The following FBXO17 variants were observed in gnomAD, a reference collection of about 807,000 sequenced individuals.
The protein encoded by FBXO17 is F-box protein 17.
Under a neutral mutation model 34.1 loss-of-function variants are expected in FBXO17, and 43 were observed. The ratio of observed to expected loss-of-function variants is 1.26; its 90% CI spans 0.99 to 1.62. FBXO17 has a LOEUF of 1.62. Among genes scored for constraint, FBXO17 ranks in the 40% most tolerant of loss-of-function variants. The pLI is 0.00. For missense variants in FBXO17, 424 were observed against 386.7 expected (o/e 1.10, Z -0.81); for synonymous variants, 169 against 166.0 (o/e 1.02, Z -0.14).
At position 38,944,963 on chromosome 19, in the gene FBXO17, A is replaced by ACCCACCTG; in HGVS notation, c.691_693+5dup. On this transcript the variant is annotated splice_donor_region_variant and intron_variant, in intron 5 of 5. Coordinates refer to ENST00000292852, the MANE Select transcript of FBXO17 (RefSeq NM_024907.7). ...CGGGGGGAGCTGGAAGCTAGTCTGG[A>ACCCACCTG]CCCACCTGTCGGCAGCCCCTCTCAG... 5 of 1,613,992 alleles carry ACCCACCTG rather than the reference A, an allele frequency of 3.1e-6. No individual in the cohort carries two copies. The highest frequency in any genetic ancestry group is 3.4e-6 in the Non-Finnish European group (4 of 1,179,960).
In FBXO17 at chr19:38,943,435, G is replaced by A. The variant is rs148937625; in HGVS notation, c.694-684C>T. Among the ~76,000 whole-genome samples the A allele has an allele frequency of 8.2e-4, 124 of 151,344 alleles. 1 individual carries two copies. In the East Asian group the frequency reaches 0.014, roughly 17 times the overall value. On this transcript the variant is annotated intron_variant, in intron 5 of 5. Coordinates refer to ENST00000292852, the MANE Select transcript of FBXO17 (RefSeq NM_024907.7). ...ATTACAGGCGCGCACCACCATGCCC[G>A]GCTAATTTTTGTATTTTTAGTAGAG...
intron 1 of FBXO17, among the ~76,000 whole-genome samples, chr19:38,969,647 A>C (rs904579998): frequency 2.3e-5 from 3 of 127,860 alleles, no homozygotes; most frequent in Non-Finnish European, 4.7e-5. Flanking sequence ...CCCAGGCTGG[A>C]GTGCAGTGGC....
Position 38,965,968 on chromosome 19 carries a change from T to A in FBXO17, c.-18+9618A>T, listed in dbSNP as rs552713760. ...CAACATTCTTTTTATTTATTTATTT[T>A]TATTTATTTATTTATTTTTTGAGAT... On this transcript the variant is annotated intron_variant, in intron 1 of 5. Coordinates refer to ENST00000292852, the MANE Select transcript of FBXO17 (RefSeq NM_024907.7). Among the ~76,000 whole-genome samples the A allele has an allele frequency of 5.3e-3, 797 of 151,424 alleles. 6 individuals are homozygous for A. Among genetic ancestry groups the A allele is most frequent in the African/African-American group, 0.017 (715 of 41,176 alleles).
Position 38,975,102 on chromosome 19 carries a change from A to G in FBXO17, c.-18+484T>C, listed in dbSNP as rs1194242608. Among the ~76,000 whole-genome samples, 2 of 152,182 alleles carry G rather than the reference A, an allele frequency of 1.3e-5. No individual in the cohort carries two copies. Among genetic ancestry groups the G allele is most frequent in the African/African-American group, 4.8e-5 (2 of 41,444 alleles). On this transcript the variant is annotated intron_variant, in intron 1 of 5. Transcript: ENST00000292852. This position sits in a 1 kb window ranked among gnomAD's most constrained non-coding sequence, Gnocchi z 4.9. ...AATTGAGGGTTGGGGCCGCAGCGAA[A>G]CACATAATGTGCCCAAGTTGCTAAA...
At chr19:38,966,338 A>G (rs1975321882) in intron 1 of FBXO17, among the ~76,000 whole-genome samples, 1 of 115,738 alleles carries the variant, frequency 8.6e-6, no homozygotes, top group Non-Finnish European at 1.9e-5. Flanking sequence ...GGGTCTCACT[A>G]TGTTGCCCAG....
At chr19:38,961,981 T>C (rs1975256709) in intron 1 of FBXO17, among the ~76,000 whole-genome samples, 1 of 152,030 alleles carries the variant, frequency 6.6e-6, no homozygotes, top group Non-Finnish European at 1.5e-5. Context: ...TTACTATAAA[T>C]TCAATTTTTC....
intron 1 of FBXO17, among the ~76,000 whole-genome samples, chr19:38,954,936 T>TTGAAA (rs1383197701): frequency 7.9e-6 from 1 of 125,968 alleles, no homozygotes; most frequent in Non-Finnish European, 1.8e-5. Flanking sequence ...TTATTATTAT[T>TTGAAA]ATTATTATTT....
At chr19:38,960,311 T>G (rs1452089758) in intron 1 of FBXO17, among the ~76,000 whole-genome samples, 1 of 150,846 alleles carries the variant, frequency 6.6e-6, no homozygotes, top group Non-Finnish European at 1.5e-5. Context: ...TTTATGGCTC[T>G]GGGGACTGGG....
At chr19:38,968,536 C>A (rs1043283834) in intron 1 of FBXO17, among the ~76,000 whole-genome samples, 5 of 151,330 alleles carry the variant, frequency 3.3e-5, no homozygotes, top group Non-Finnish European at 5.9e-5. Flanking sequence ...TTATATGAAA[C>A]CTAGCAATTC....
chr19:38,941,955 C>T lies in FBXO17; in HGVS notation c.*653G>A, dbSNP rs1974893430. On this transcript the variant is annotated 3_prime_UTR_variant, in exon 6 of 6. Coordinates refer to ENST00000292852, the MANE Select transcript of FBXO17 (RefSeq NM_024907.7). ...AAACATGCCGGCAAGTCTCTGCTCC[C>T]TGCGTCGGCAGAGGGATTTATAAGC... The T allele has an allele frequency of 6.6e-6, 1 of 152,210 alleles. No individual in the cohort carries two copies. Among genetic ancestry groups the T allele is most frequent in the Admixed American group, 6.5e-5 (1 of 15,284 alleles). 9.4% of individuals were successfully genotyped at this position (152,210 alleles called of 1,614,324 possible). A position where few individuals can be genotyped will look rare whatever the true frequency, so the allele number is the denominator to read the frequency against.
At chr19:38,946,894 T>C (rs1865047) in intron 3 of FBXO17, 206,477 of 292,640 alleles carry the variant, frequency 0.71, 75,289 homozygotes, top group East Asian at 0.96. Context: ...TCCTAAAGTG[T>C]GAGGGCCCCG....
chr19:38,955,939 AG>A (rs539656417), intron 1 of FBXO17, among the ~76,000 whole-genome samples: 151 of 152,004 alleles, frequency 9.9e-4, no homozygotes, highest in African/African-American at 3.6e-3. Flanking sequence ...ACTTAGGAAA[AG>A]CCCCTGTAGG....
chr19:38,959,721 T>A (rs1334473600), intron 1 of FBXO17, among the ~76,000 whole-genome samples: 7 of 151,810 alleles, frequency 4.6e-5, no homozygotes, highest in Non-Finnish European at 8.8e-5. Context: ...TGAAACCCCA[T>A]CTCTAAAAAA....
At chr19:38,943,911 TA>T (rs1335869133) in intron 5 of FBXO17, among the ~76,000 whole-genome samples, 1 of 152,182 alleles carries the variant, frequency 6.6e-6, no homozygotes, top group East Asian at 1.9e-4. Flanking sequence ...TTTTAAAGTG[TA>T]CAATTCAGTG....
intron 1 of FBXO17, among the ~76,000 whole-genome samples, chr19:38,973,561 C>CT (rs1975418110): frequency 7.5e-6 from 1 of 132,714 alleles, no homozygotes; most frequent in Non-Finnish European, 1.7e-5. Context: ...AAAGAGATTA[C>CT]ATACTTTTAT....
intron 1 of FBXO17, among the ~76,000 whole-genome samples, chr19:38,950,716 T>C (rs1297525313): frequency 6.6e-6 from 1 of 152,212 alleles, no homozygotes; most frequent in African/African-American, 2.4e-5. Context: ...TGAGATAATA[T>C]GCAAAAACAG....
intron 1 of FBXO17, among the ~76,000 whole-genome samples, chr19:38,967,179 C>T (rs1259608735): frequency 2.0e-5 from 3 of 152,146 alleles, no homozygotes; most frequent in East Asian, 1.9e-4. Flanking sequence ...GACAAAAGGC[C>T]GGGCACAGTG....
chr19:38,967,092 T>C (rs1324134292), intron 1 of FBXO17, among the ~76,000 whole-genome samples: 1 of 152,232 alleles, frequency 6.6e-6, no homozygotes, highest in Non-Finnish European at 1.5e-5. Context: ...TTGCACATTA[T>C]ATATCTGATA....
chr19:38,974,063 C>CAT (rs993256142), intron 1 of FBXO17, among the ~76,000 whole-genome samples: 2 of 146,868 alleles, frequency 1.4e-5, no homozygotes, highest in African/African-American at 5.0e-5. Flanking sequence ...TATATACACA[C>CAT]ATATATATAT....
Sources: allele counts gnomAD v4.1 joint callset (sites outside exome capture counted in the v4.1 genomes callset), GRCh38; gene constraint gnomAD v4.1.1; non-coding constraint Gnocchi (gnomAD v3.1); transcripts MANE v1.5; gene names NCBI Gene and HGNC (gene_info 2026-07-23, HGNC 2026-07-21).